The following LHFPL3 variants were observed in gnomAD, a reference collection of about 807,000 sequenced individuals.
LHFPL3 encodes LHFPL tetraspan subfamily member 3.
In LHFPL3, 5 loss-of-function variants were observed where a neutral mutation model predicts 19.3. The ratio of observed to expected loss-of-function variants is 0.26; its 90% confidence interval spans 0.14 to 0.54. LHFPL3 has a LOEUF of 0.54. Ranked by LOEUF, LHFPL3 falls within the 20% of genes least tolerant of loss-of-function variation. The pLI, the probability that LHFPL3 is intolerant of heterozygous loss-of-function variation, is 0.94. For missense variants in LHFPL3, 249 were observed against 307.4 expected (o/e 0.81, Z 1.42); for synonymous variants, 133 against 126.2 (o/e 1.05, Z -0.36).
intron 2 of LHFPL3, among the ~76,000 whole-genome samples, chr7:104,819,031 A>G (rs1003793061): frequency 6.6e-6 from 1 of 152,138 alleles, no homozygotes; most frequent in African/African-American, 2.4e-5. Context: ...ATGGCCCCCT[A>G]TTGTGGCATT....
intron 2 of LHFPL3, among the ~76,000 whole-genome samples, chr7:104,790,602 G>A (rs1008341644): frequency 1.3e-5 from 2 of 152,112 alleles, no homozygotes; most frequent in African/African-American, 4.8e-5. Context: ...GGTTCCTAAA[G>A]CAGACCATTA....
chr7:104,559,775 G>A (rs1451741759), intron 1 of LHFPL3, among the ~76,000 whole-genome samples: 4 of 150,848 alleles, frequency 2.7e-5, no homozygotes, highest in African/African-American at 5.0e-5. Context: ...CAGAGGGAAT[G>A]CTTCCAGTTT....
intron 2 of LHFPL3, among the ~76,000 whole-genome samples, chr7:104,773,980 A>C (rs971230779): frequency 1.6e-4 from 25 of 152,306 alleles, no homozygotes; most frequent in Admixed American, 8.5e-4. Context: ...GACGAACACA[A>C]AGGGTAGGAC....
chr7:104,805,782 C>A lies in LHFPL3; in HGVS notation c.682+68871C>A, dbSNP rs926724401. ...CTTATGGGGCTTTTTAGGCTTATCC[C>A]AAACCCCTCTCTTCTCATACCATCT... is the stretch of plus-strand genomic sequence containing the variant. On this transcript the variant is annotated intron_variant, in intron 2 of 2. Transcript: ENST00000424859. 4.6e-5 allele frequency among the ~76,000 whole-genome samples: 7 copies of A among 152,280 alleles called. No homozygotes were observed. The South Asian group carries it at 1.0e-3, about 23-fold the overall frequency.
chr7:104,793,678 A>G (rs1790066091), intron 2 of LHFPL3, among the ~76,000 whole-genome samples: 2 of 152,218 alleles, frequency 1.3e-5, no homozygotes, highest in Admixed American at 6.5e-5. Flanking sequence ...TTGGTTTTTT[A>G]GCAACTTAAC....
chr7:104,772,364 G>T lies in LHFPL3; in HGVS notation c.682+35453G>T, dbSNP rs372608746. 9.9e-5 allele frequency among the ~76,000 whole-genome samples: 15 copies of T among 152,258 alleles called. No individual in the cohort carries two copies. In the East Asian group the frequency reaches 1.2e-3, roughly 12 times the overall value. ...GTGATTATTAGAACCCAATTCTTTT[G>T]ATCTCAAGTCCTGCTCTCTTTCTGC... On this transcript the variant is annotated intron_variant, in intron 2 of 2. Coordinates refer to ENST00000424859, the MANE Select transcript of LHFPL3 (RefSeq NM_199000.3).
intron 2 of LHFPL3, among the ~76,000 whole-genome samples, chr7:104,817,352 C>T (rs1383322044): frequency 1.3e-5 from 2 of 152,144 alleles, no homozygotes; most frequent in African/African-American, 2.4e-5. Context: ...CTCCCTTTTT[C>T]TCCTCATCTA....
chr7:104,847,597 G>A (rs1396549685), intron 2 of LHFPL3, among the ~76,000 whole-genome samples: 7 of 152,066 alleles, frequency 4.6e-5, no homozygotes, highest in African/African-American at 7.2e-5. Flanking sequence ...TGCAACCTCC[G>A]ACTCCCAGGT....
At chr7:104,794,517 T>G (rs539478995) in intron 2 of LHFPL3, among the ~76,000 whole-genome samples, 1 of 152,318 alleles carries the variant, frequency 6.6e-6, no homozygotes, top group African/African-American at 2.4e-5. Context: ...TAAAAGCAGA[T>G]GTTCATCACA....
intron 2 of LHFPL3, among the ~76,000 whole-genome samples, chr7:104,849,489 C>T (rs1390613314): frequency 6.6e-6 from 1 of 152,226 alleles, no homozygotes; most frequent in Non-Finnish European, 1.5e-5. Flanking sequence ...GGCCAAGGCC[C>T]TTGGCCCACT....
chr7:104,341,078 C>T (rs373025215), intron 1 of LHFPL3, among the ~76,000 whole-genome samples: 4 of 152,330 alleles, frequency 2.6e-5, no homozygotes, highest in African/African-American at 9.6e-5. Flanking sequence ...TATTCTCCAT[C>T]TCTAATAACA....
intron 2 of LHFPL3, among the ~76,000 whole-genome samples, chr7:104,882,242 T>C (rs2116685739): frequency 6.6e-6 from 1 of 152,226 alleles, no homozygotes; most frequent in Middle Eastern, 3.4e-3. Context: ...CATTTATTTA[T>C]TTATTTACTT....
chr7:104,611,738 G>C (rs983101419), intron 1 of LHFPL3, among the ~76,000 whole-genome samples: 2 of 152,082 alleles, frequency 1.3e-5, no homozygotes, highest in South Asian at 2.1e-4. Context: ...TACTAAAAAA[G>C]GGGGGGAGGA....
intron 1 of LHFPL3, among the ~76,000 whole-genome samples, chr7:104,421,619 G>T (rs1791734758): frequency 6.6e-6 from 1 of 152,164 alleles, no homozygotes; most frequent in Admixed American, 6.5e-5. Flanking sequence ...CAAGATTACA[G>T]CTGTCAACAC....
chr7:104,752,740 G>A (rs183544519), intron 2 of LHFPL3: 145 of 395,928 alleles, frequency 3.7e-4, no homozygotes, highest in African/African-American at 2.1e-3. Context: ...AGACGTACTC[G>A]GGATCTCTCG....
rs1373791539 is a variant in LHFPL3 at position 104,579,751 on chromosome 7, T to C, written c.446-156924T>C. 3.9e-5 allele frequency among the ~76,000 whole-genome samples: 6 copies of C among 152,348 alleles called. No individual in the cohort carries two copies. The East Asian group carries it at 1.2e-3, about 29-fold the overall frequency. On this transcript the variant is annotated intron_variant, in intron 1 of 2. Transcript: ENST00000424859. ...GAAAACTGAGCCCAACCCATAATAT[T>C]ACCCTGTCAATCAATACAGTAATTA...
chr7:104,476,196 C>A (rs1793013223), intron 1 of LHFPL3, among the ~76,000 whole-genome samples: 1 of 152,150 alleles, frequency 6.6e-6, no homozygotes, highest in Non-Finnish European at 1.5e-5. Context: ...AAAACAAACA[C>A]AAAATCCCAT....
intron 2 of LHFPL3, among the ~76,000 whole-genome samples, chr7:104,841,544 G>C: frequency 6.7e-6 from 1 of 148,686 alleles, no homozygotes; most frequent in Non-Finnish European, 1.5e-5. Flanking sequence ...TAGGGTACCT[G>C]TGTGTGGCTG....
chr7:104,879,397 C>T (rs1234122101), intron 2 of LHFPL3, among the ~76,000 whole-genome samples: 1 of 151,662 alleles, frequency 6.6e-6, no homozygotes, highest in Admixed American at 6.6e-5. Flanking sequence ...GTCTGTGCAA[C>T]AGAGTGAGAC....
Sources: gnomAD v4.1 joint callset for allele counts (sites outside exome capture counted in the v4.1 genomes callset) on GRCh38, gnomAD v4.1.1 for gene constraint, MANE v1.5 for transcripts, NCBI Gene and HGNC (gene_info 2026-07-23, HGNC 2026-07-21) for gene names.